Variants in PSMA1 observed in about 807,000 individuals in gnomAD.
The protein encoded by PSMA1 is proteasome subunit alpha type-1.
Under a neutral mutation model 38.4 loss-of-function variants are expected in PSMA1, and 3 were observed. The observed-to-expected ratio is 0.08, with a 90% CI of 0.04 to 0.20. The LOEUF (loss-of-function observed/expected upper bound fraction) is 0.20, where lower values mean the gene tolerates loss of function less well. Among genes scored for constraint, PSMA1 ranks in the 10% least tolerant of loss-of-function variants. The probability of loss-of-function intolerance (pLI) is 1.00; values close to 1 mark genes in which losing one functional copy is unlikely to be tolerated. For missense variants in PSMA1, 227 were observed against 325.3 expected (o/e 0.70, Z 2.32); for synonymous variants, 101 against 107.1 (o/e 0.94, Z 0.35).
intron 2 of PSMA1, among the ~76,000 whole-genome samples, chr11:14,539,867 A>G (rs113890472): frequency 7.9e-5 from 12 of 152,028 alleles, no homozygotes; most frequent in Non-Finnish European, 1.3e-4. Context: ...AAACAAAGAA[A>G]AAAAAAACAA....
chr11:14,636,789 T>G (rs1357378817), intron 1 of PSMA1, among the ~76,000 whole-genome samples: 1 of 152,232 alleles, frequency 6.6e-6, no homozygotes, highest in East Asian at 1.9e-4. Flanking sequence ...CACAGTCTCC[T>G]TTTCTGCACA....
At chr11:14,514,207 T>A in intron 5 of PSMA1, 196 bp downstream of exon 5, 1 of 1,345,402 alleles carries the variant, frequency 7.4e-7, no homozygotes, top group South Asian at 2.2e-5. Flanking sequence ...CTTAGATGAT[T>A]TTCCTGAAGT....
At chr11:14,523,590 AT>A (rs35903786), upstream of PSMA1, among the ~76,000 whole-genome samples, 64,386 of 136,168 alleles carry the variant, frequency 0.47, 15,050 homozygotes, top group East Asian at 0.57. Context: ...CTCAGGATAC[AT>A]TTTTTTTTTT....
At chr11:14,642,050 C>T (rs1480764696) in intron 1 of PSMA1, among the ~76,000 whole-genome samples, 1 of 152,142 alleles carries the variant, frequency 6.6e-6, no homozygotes, top group Non-Finnish European at 1.5e-5. Context: ...TCCATGATCA[C>T]GTGCCAATCC....
rs1489134971 is a variant in PSMA1 at position 14,517,029 on chromosome 11, G to A, written c.254+613C>T. ...AAATCTCAGATACTAAGTGGTGAAG[G>A]TGAGAACTCAATATGTGCAATTTCA... On this transcript the variant is annotated intron_variant, in intron 4 of 9. Transcript: ENST00000396394. 2.6e-5 allele frequency among the ~76,000 whole-genome samples: 4 copies of A among 152,194 alleles called. No homozygotes were observed. The East Asian group carries it at 5.8e-4, about 22-fold the overall frequency.
Position 14,594,166 on chromosome 11 carries a change from T to G in PSMA1, c.21+16800A>C, listed in dbSNP as rs541931297. 2.6e-5 allele frequency among the ~76,000 whole-genome samples: 4 copies of G among 152,354 alleles called. No individual in the cohort carries two copies. The South Asian group carries it at 8.3e-4, about 32-fold the overall frequency. On this transcript the variant is annotated intron_variant, in intron 2 of 10. Coordinates refer to the PSMA1 transcript ENST00000418988. ...GGCCAACCTACATTCTCATCTGGAC[T>G]TCTTCTTATGTGAAGTAATAAATGT...
chr11:14,521,304 TAATAAG>T (rs796720889), upstream of PSMA1, among the ~76,000 whole-genome samples: 3,635 of 93,348 alleles, frequency 0.039, 60 homozygotes, highest in South Asian at 0.092. Context: ...GCTACAATAA[TAATAAG>T]AATAAGAATA....
At chr11:14,591,425 C>G (rs112723443) in intron 2 of PSMA1, among the ~76,000 whole-genome samples, 3,302 of 152,300 alleles carry the variant, frequency 0.022, 51 homozygotes, top group South Asian at 0.036. Flanking sequence ...GTCCCATTGA[C>G]CACCCAAGGG....
At chr11:14,635,341 T>C (rs973391432) in intron 1 of PSMA1, among the ~76,000 whole-genome samples, 3 of 152,222 alleles carry the variant, frequency 2.0e-5, no homozygotes, top group African/African-American at 7.2e-5. Context: ...TTGTTATTTT[T>C]CACAGTTTGC....
At chr11:14,565,447 T>C (rs1673368195) in intron 2 of PSMA1, among the ~76,000 whole-genome samples, 1 of 152,232 alleles carries the variant, frequency 6.6e-6, no homozygotes, top group African/African-American at 2.4e-5. Context: ...ATTCGCTTTT[T>C]CTAGGTTCTT....
chr11:14,563,750 T>C (rs1295684106), intron 2 of PSMA1, among the ~76,000 whole-genome samples: 1 of 152,204 alleles, frequency 6.6e-6, no homozygotes, highest in East Asian at 1.9e-4. Flanking sequence ...AGGAAGACTT[T>C]GTTGTCTTTT....
At chr11:14,634,514 TAAGTG>T (rs1853087174) in intron 1 of PSMA1, among the ~76,000 whole-genome samples, 2 of 152,004 alleles carry the variant, frequency 1.3e-5, no homozygotes, top group Admixed American at 1.3e-4. Flanking sequence ...TTTTTTTTTT[TAAGTG>T]ATTTTTGTAG....
At chr11:14,542,267 G>A (rs1253479104) in intron 2 of PSMA1, among the ~76,000 whole-genome samples, 1 of 152,140 alleles carries the variant, frequency 6.6e-6, no homozygotes, top group African/African-American at 2.4e-5. Context: ...TGTTAATGAT[G>A]ATGGCTCAGT....
chr11:14,562,599 C>T (rs1158820836), intron 2 of PSMA1, among the ~76,000 whole-genome samples: 1 of 151,510 alleles, frequency 6.6e-6, no homozygotes, highest in African/African-American at 2.4e-5. Flanking sequence ...TTTTTTCCTT[C>T]GTGAATAAAT....
At chr11:14,570,853 C>G (rs1016371733) in intron 2 of PSMA1, among the ~76,000 whole-genome samples, 1 of 152,092 alleles carries the variant, frequency 6.6e-6, no homozygotes, top group Non-Finnish European at 1.5e-5. Flanking sequence ...AATACAGAGA[C>G]CACCACAAAG....
At chr11:14,621,668 GTAATTC>G (rs1852845559) in intron 1 of PSMA1, among the ~76,000 whole-genome samples, 1 of 152,146 alleles carries the variant, frequency 6.6e-6, no homozygotes, top group Non-Finnish European at 1.5e-5. Context: ...GTTTCTATAA[GTAATTC>G]TTTCTTTCCA....
intron 2 of PSMA1, among the ~76,000 whole-genome samples, chr11:14,609,111 A>T (rs1355466489): frequency 6.6e-6 from 1 of 152,218 alleles, no homozygotes; most frequent in Non-Finnish European, 1.5e-5. Flanking sequence ...AGTCCAAAGA[A>T]TTCCTAGAAC....
At chr11:14,546,531 G>A (rs766304418) in intron 2 of PSMA1, among the ~76,000 whole-genome samples, 9 of 151,898 alleles carry the variant, frequency 5.9e-5, no homozygotes, top group Admixed American at 2.6e-4. Flanking sequence ...TCTGCCTCTC[G>A]GGTTCAAGCA....
At chr11:14,536,173 A>G (rs1181382742) in intron 2 of PSMA1, among the ~76,000 whole-genome samples, 1 of 152,188 alleles carries the variant, frequency 6.6e-6, no homozygotes, top group East Asian at 1.9e-4. Flanking sequence ...ACTAAGCATT[A>G]TTACTAACAA....
Sources: gnomAD v4.1 joint callset for allele counts (sites outside exome capture counted in the v4.1 genomes callset) on GRCh38, gnomAD v4.1.1 for gene constraint, MANE v1.5 for transcripts, NCBI Gene and HGNC (gene_info 2026-07-23, HGNC 2026-07-21) for gene names.